DIP2B: variants seen among roughly 807,000 people sequenced by gnomAD.
DIP2B encodes the protein disco-interacting protein 2 homolog B.
Under a neutral mutation model 198.0 loss-of-function variants are expected in DIP2B, and 76 were observed. The observed-to-expected ratio is 0.38, with a 90% CI of 0.32 to 0.46. DIP2B has a LOEUF of 0.46. Among genes scored for constraint, DIP2B ranks in the 20% least tolerant of loss-of-function variants. The pLI is 0.99. For synonymous variants in DIP2B, 701 were observed against 739.1 expected (o/e 0.95, Z 0.84); for missense variants, 1,559 against 1,978.4 (o/e 0.79, Z 4.02).
intron 26 of DIP2B, among the ~76,000 whole-genome samples, chr12:50,722,421 T>G (rs1939856493): frequency 6.6e-6 from 1 of 151,978 alleles, no homozygotes; most frequent in African/African-American, 2.4e-5. Context: ...GCCCAGCTAA[T>G]TTTTGTATTT....
chr12:50,647,861 T>A (rs557043078), intron 3 of DIP2B, among the ~76,000 whole-genome samples: 2 of 152,174 alleles, frequency 1.3e-5, no homozygotes, highest in South Asian at 4.2e-4. Context: ...ACACCTGTAA[T>A]CCTAGCATTT....
At chr12:50,548,024 G>A (rs1000581088) in intron 1 of DIP2B, among the ~76,000 whole-genome samples, 1 of 152,144 alleles carries the variant, frequency 6.6e-6, no homozygotes, top group African/African-American at 2.4e-5. Context: ...GGCTAGGACA[G>A]CACTCCTGCA....
chr12:50,537,292 C>G (rs989853735), intron 1 of DIP2B, among the ~76,000 whole-genome samples: 2 of 151,614 alleles, frequency 1.3e-5, no homozygotes, highest in African/African-American at 4.8e-5. Flanking sequence ...TTACACTTCT[C>G]TATTCTTCCC....
intron 1 of DIP2B, among the ~76,000 whole-genome samples, chr12:50,595,046 CATG>C (rs777999254): frequency 3.9e-5 from 6 of 152,126 alleles, no homozygotes; most frequent in Non-Finnish European, 8.8e-5. Flanking sequence ...CTTTGAATAA[CATG>C]ATATGTTTTA....
intron 1 of DIP2B, among the ~76,000 whole-genome samples, chr12:50,508,799 G>A (rs1957990041): frequency 6.6e-6 from 1 of 151,346 alleles, no homozygotes; most frequent in African/African-American, 2.4e-5. Context: ...TCTGCCTCCC[G>A]GGTTCAGGTG....
At chr12:50,641,259 A>G (rs560604531) in intron 3 of DIP2B, among the ~76,000 whole-genome samples, 1 of 152,200 alleles carries the variant, frequency 6.6e-6, no homozygotes, top group Non-Finnish European at 1.5e-5. Flanking sequence ...CAGGAGGCTG[A>G]GACAGGAGAA....
intron 1 of DIP2B, among the ~76,000 whole-genome samples, chr12:50,560,085 C>T (rs1177361904): frequency 2.0e-5 from 3 of 151,870 alleles, no homozygotes; most frequent in East Asian, 1.9e-4. Flanking sequence ...GAGATCAGCC[C>T]GGCCAACATG....
chr12:50,574,540 A>T (rs1374572857), intron 1 of DIP2B, among the ~76,000 whole-genome samples: 1 of 151,264 alleles, frequency 6.6e-6, no homozygotes, highest in African/African-American at 2.4e-5. Context: ...CAGACAGCTT[A>T]TGCGTATGAG....
chr12:50,505,427 A>T (rs1429171049), intron 1 of DIP2B, among the ~76,000 whole-genome samples, 187 bp downstream of exon 1: 1 of 151,852 alleles, frequency 6.6e-6, no homozygotes, highest in Non-Finnish European at 1.5e-5. Context: ...TGTGGCTTTC[A>T]TTGTTTTCCC....
chr12:50,708,132 C>A (rs758266768), intron 21 of DIP2B, among the ~76,000 whole-genome samples: 7 of 151,928 alleles, frequency 4.6e-5, no homozygotes, highest in Non-Finnish European at 8.8e-5. Flanking sequence ...CACACCACTC[C>A]ACCCCCTGTA....
At chr12:50,567,157 A>C (rs189909512) in intron 1 of DIP2B, among the ~76,000 whole-genome samples, 116 of 152,158 alleles carry the variant, frequency 7.6e-4, no homozygotes, top group Non-Finnish European at 3.1e-4. Flanking sequence ...AAACACTTTT[A>C]TTTTGAAATA....
chr12:50,697,523 T>C (rs1939335320), intron 17 of DIP2B, among the ~76,000 whole-genome samples: 1 of 144,722 alleles, frequency 6.9e-6, no homozygotes, highest in South Asian at 2.2e-4. Context: ...TGTGTGTGTA[T>C]ATAGATATAC....
chr12:50,560,549 ACT>A (rs1039026783), intron 1 of DIP2B, among the ~76,000 whole-genome samples: 42 of 151,778 alleles, frequency 2.8e-4, no homozygotes, highest in African/African-American at 9.7e-4. Flanking sequence ...CAAGAGTGAA[ACT>A]CTGTCTAAAA....
At chr12:50,721,194 T>C (rs1248592001) in intron 25 of DIP2B, 79 bp from the exon 26 acceptor site, 1 of 1,537,644 alleles carries the variant, frequency 6.5e-7, no homozygotes, top group Non-Finnish European at 8.8e-7. Flanking sequence ...CTTTCAGGTA[T>C]GATGTTGAAT....
At chr12:50,566,833 G>A (rs964181957) in intron 1 of DIP2B, among the ~76,000 whole-genome samples, 6 of 151,982 alleles carry the variant, frequency 3.9e-5, no homozygotes, top group South Asian at 2.1e-4. Flanking sequence ...TTAGCCAGGC[G>A]TGGTGGCGGG....
intron 1 of DIP2B, among the ~76,000 whole-genome samples, chr12:50,608,143 T>G (rs1246860462): frequency 1.3e-5 from 2 of 152,168 alleles, no homozygotes; most frequent in East Asian, 3.8e-4. Flanking sequence ...ATTAGCAAAT[T>G]AGTATTTGGA....
intron 37 of DIP2B, among the ~76,000 whole-genome samples, chr12:50,743,090 GTT>G (rs1017300906): frequency 6.6e-6 from 1 of 151,916 alleles, no homozygotes; most frequent in Non-Finnish European, 1.5e-5. Flanking sequence ...CTGGAATTTG[GTT>G]TTGTTTGTTT....
Position 50,566,652 on chromosome 12 carries a change from T to G in DIP2B, c.101-59324T>G, listed in dbSNP as rs541854696. ...GGTCTCTGAGGCTCTGTTAGATTTT[T>G]TGATTTCTTTTTCTGTTCTTGAAAT... On this transcript the variant is annotated intron_variant, in intron 1 of 37. Coordinates refer to ENST00000301180, the MANE Select transcript of DIP2B (RefSeq NM_173602.3). 2.6e-5 allele frequency among the ~76,000 whole-genome samples: 4 copies of G among 152,294 alleles called. No individual in the cohort carries two copies. In the South Asian group the frequency reaches 8.3e-4, roughly 32 times the overall value.
chr12:50,567,930 T>C (rs975157136), intron 1 of DIP2B, among the ~76,000 whole-genome samples: 2 of 152,222 alleles, frequency 1.3e-5, no homozygotes, highest in Non-Finnish European at 2.9e-5. Context: ...CCTTTGTATG[T>C]TGAGTAATTT....
Sources: allele counts gnomAD v4.1 joint callset (sites outside exome capture counted in the v4.1 genomes callset), GRCh38; gene constraint gnomAD v4.1.1; transcripts MANE v1.5; gene names NCBI Gene and HGNC (gene_info 2026-07-23, HGNC 2026-07-21).